Variants in FAM186B observed in about 807,000 individuals in gnomAD.
FAM186B encodes family with sequence similarity 186 member B.
In FAM186B, 68 loss-of-function variants were observed where a neutral mutation model predicts 83.4. That is an observed-to-expected ratio of 0.81 (90% CI 0.67 to 1.00). The LOEUF (loss-of-function observed/expected upper bound fraction) is 1.00, where lower values mean the gene tolerates loss of function less well. Ranked by LOEUF, FAM186B falls within the 50% of genes least tolerant of loss-of-function variation. The pLI is 0.00. For synonymous variants in FAM186B, 389 were observed against 422.0 expected (o/e 0.92, Z 0.96); for missense variants, 983 against 1,099.2 (o/e 0.89, Z 1.49).
Position 49,605,489 on chromosome 12 carries a change from CTG to C in FAM186B, c.-14_-13del, listed in dbSNP as rs1565814079. 1.2e-6 allele frequency: 2 copies of C among 1,610,706 alleles called. No homozygotes were observed. The highest frequency in any genetic ancestry group is 1.3e-5 in the African/African-American group (1 of 74,898). On this transcript the variant is annotated 5_prime_UTR_variant, in exon 1 of 7. Transcript: ENST00000257894. Reference sequence around the variant, plus strand: ...TCATCCTTCTCCATTTTGGATCACTCTGTCAGTCACAAAACATCCTGTGTTTC... The same window carrying C: ...TCATCCTTCTCCATTTTGGATCACTCTCAGTCACAAAACATCCTGTGTTTC...
At chr12:49,599,013 C>A in intron 4 of FAM186B, 66 bp from the exon 5 acceptor site, 1 of 1,502,884 alleles carries the variant, frequency 6.7e-7, no homozygotes, top group Non-Finnish European at 9.1e-7. Context: ...GTCTGTTAAC[C>A]AGAGATGACT....
At chr12:49,605,753 C>CTTT (rs200117345), upstream of FAM186B, 161 of 228,910 alleles carry the variant, frequency 7.0e-4, 2 homozygotes, top group African/African-American at 2.0e-3. Context: ...GACTTGTTGC[C>CTTT]TTTTCTTTTT....
At chr12:49,597,572 G>T (rs1939758295) in intron 5 of FAM186B, among the ~76,000 whole-genome samples, 1 of 152,152 alleles carries the variant, frequency 6.6e-6, no homozygotes, top group Non-Finnish European at 1.5e-5. Flanking sequence ...ATAGTGTATT[G>T]TGTTCAGGAT....
chr12:49,602,343 T>C (rs79035034), intron 3 of FAM186B, among the ~76,000 whole-genome samples: 3,332 of 152,298 alleles, frequency 0.022, 116 homozygotes, highest in African/African-American at 0.076. Flanking sequence ...CCCTGCCTTC[T>C]CCCTCCTGCT....
At chr12:49,587,416 T>C (rs1215704607), downstream of FAM186B, 1 of 697,860 alleles carries the variant, frequency 1.4e-6, no homozygotes, top group African/African-American at 1.8e-5. Flanking sequence ...CGAAGTGCTG[T>C]TGGCATGGGG....
chr12:49,587,763 G>A lies in FAM186B; in HGVS notation c.2535-11C>T, dbSNP rs771175778. ...TGCTTCCCCTGTTGGCTGGGAGTGG[G>A]GAGTTTGGAGAATGTGAAAAGCAAC... is the stretch of plus-strand genomic sequence containing the variant. On this transcript the variant is annotated splice_polypyrimidine_tract_variant and intron_variant, in intron 6 of 6. Transcript: ENST00000257894. The A allele has an allele frequency of 1.2e-6, 2 of 1,606,894 alleles. No individual in the cohort carries two copies. Among genetic ancestry groups the A allele is most frequent in the Admixed American group, 1.7e-5 (1 of 58,672 alleles).
Position 49,600,403 on chromosome 12 carries a change from G to A in FAM186B, c.1237C>T (p.Leu413Phe). The A allele has an allele frequency of 1.9e-6, 3 of 1,614,040 alleles. No homozygotes were observed. Among genetic ancestry groups the A allele is most frequent in the South Asian group, 2.2e-5 (2 of 91,062 alleles). ...ACTAAGGGTAAAAGCACAGGCTCAA[G>A]GCTCTCAGTGTCCTTGCTGCCGAAC... ...DVFGSKDTES[L>F]EPVLLPLVDR... Residue 413 changes from leucine to phenylalanine, a missense_variant, in exon 4 of 7, where the codon CTT (leucine) becomes TTT (phenylalanine). Coordinates refer to ENST00000257894, the MANE Select transcript of FAM186B (RefSeq NM_032130.3). The surrounding 1 kb of genome is among the most constrained non-coding windows in gnomAD (Gnocchi z 4.3).
intron 5 of FAM186B, among the ~76,000 whole-genome samples, chr12:49,596,030 G>A (rs1042333910): frequency 3.9e-5 from 6 of 152,066 alleles, no homozygotes; most frequent in African/African-American, 9.7e-5. Flanking sequence ...GAAATGTGAC[G>A]ATCACTTAGA....
chr12:49,599,333 C>G, intron 4 of FAM186B, 136 bp downstream of exon 4: 2 of 1,370,932 alleles, frequency 1.5e-6, no homozygotes, highest in Non-Finnish European at 1.9e-6. Context: ...CAGGCCCCCA[C>G]TCAGGAGACC....
chr12:49,611,034 G>A, the FAM186B span, among the ~76,000 whole-genome samples: 4 of 151,726 alleles, frequency 2.6e-5, no homozygotes, highest in African/African-American at 9.7e-5. Context: ...GAGGCCAGGA[G>A]TTCGAGACCA....
At chr12:49,617,839 G>A in the FAM186B span, among the ~76,000 whole-genome samples, 2 of 152,128 alleles carry the variant, frequency 1.3e-5, no homozygotes, top group Admixed American at 6.5e-5. Flanking sequence ...GAGAAGAGAC[G>A]AGCAAAATAT....
chr12:49,600,080 C>T lies in FAM186B; in HGVS notation c.1560G>A (p.Gln520=), dbSNP rs1298827727. The T allele has an allele frequency of 1.9e-6, 3 of 1,608,088 alleles. No individual in the cohort carries two copies. The African/African-American group carries it at 4.0e-5, about 21-fold the overall frequency. The change falls in exon 4 of 7, where the codon CAG becomes CAA. Residue 520 remains glutamine (Q), a synonymous_variant. Coordinates refer to ENST00000257894, the MANE Select transcript of FAM186B (RefSeq NM_032130.3). This position sits in a 1 kb window ranked among gnomAD's most constrained non-coding sequence, Gnocchi z 4.3. ...LEQEHQEKLR[Q]WNLEDLAREQ... The stretch of plus-strand genomic sequence containing the variant: ...CCCTGGCCAGGTCTTCCAGATTCCA[C>T]TGCCGCAGCTTCTCCTGATGCTCCT...
At chr12:49,596,479 T>C (rs898353879) in intron 5 of FAM186B, among the ~76,000 whole-genome samples, 4 of 148,848 alleles carry the variant, frequency 2.7e-5, no homozygotes, top group Admixed American at 2.7e-4. Context: ...ATAAACTTGA[T>C]GTCTTTAAAA....
intron 5 of FAM186B, among the ~76,000 whole-genome samples, chr12:49,590,749 C>T (rs1939563461): frequency 1.3e-5 from 2 of 152,124 alleles, no homozygotes; most frequent in African/African-American, 4.8e-5. Flanking sequence ...ATTCTGTTGG[C>T]CTAAACCCAT....
At chr12:49,619,663 ATCTCT>A in the FAM186B span, 7 of 323,788 alleles carry the variant, frequency 2.2e-5, no homozygotes, top group African/African-American at 1.5e-4. Flanking sequence ...TTAGTTAGAC[ATCTCT>A]TTTTTTTTTT....
At chr12:49,611,104 GGTTTAT>G in the FAM186B span, among the ~76,000 whole-genome samples, 1 of 152,048 alleles carries the variant, frequency 6.6e-6, no homozygotes, top group African/African-American at 2.4e-5. Context: ...CAGGCACAGT[GGTTTAT>G]GCCTGTAATC....
chr12:49,603,111 A>T (rs1173387469), intron 3 of FAM186B, 74 bp downstream of exon 3: 9 of 1,518,312 alleles, frequency 5.9e-6, no homozygotes, highest in Non-Finnish European at 5.5e-6. Context: ...CCCCAGGCCC[A>T]GCCTCTGACT....
chr12:49,588,388 T>TGGTC (rs1939497334), intron 6 of FAM186B, 66 bp downstream of exon 6: 3 of 1,524,032 alleles, frequency 2.0e-6, no homozygotes, highest in Non-Finnish European at 2.7e-6. Flanking sequence ...CTCCCCAGGC[T>TGGTC]GGTCACCCCT....
At chr12:49,608,524 T>TC (rs1256697135), upstream of FAM186B, among the ~76,000 whole-genome samples, 2 of 151,402 alleles carry the variant, frequency 1.3e-5, no homozygotes, top group Non-Finnish European at 2.9e-5. Flanking sequence ...ACCTTTTTTT[T>TC]CCCCAAGATG....
Sources: allele counts gnomAD v4.1 joint callset (sites outside exome capture counted in the v4.1 genomes callset), GRCh38; gene constraint gnomAD v4.1.1; non-coding constraint Gnocchi (gnomAD v3.1); transcripts MANE v1.5; gene names NCBI Gene and HGNC (gene_info 2026-07-23, HGNC 2026-07-21).